Variants in SNRPN observed in about 807,000 individuals in gnomAD.
The protein encoded by SNRPN is small nuclear ribonucleoprotein polypeptide N.
In SNRPN, 7 loss-of-function variants were observed where a neutral mutation model predicts 25.2. That is an observed-to-expected ratio of 0.28 (90% CI 0.16 to 0.52). The LOEUF (loss-of-function observed/expected upper bound fraction) is 0.52, where lower values mean the gene tolerates loss of function less well. SNRPN is among the 20% of genes least tolerant of loss of function. SNRPN has a pLI of 0.96. For missense variants in SNRPN, 196 were observed against 322.5 expected, an observed-to-expected ratio of 0.61 and a Z score of 3.00; for synonymous variants, 124 against 110.6, an observed-to-expected ratio of 1.12 and a Z score of -0.76.
intron 3 of SNRPN, among the ~76,000 whole-genome samples, chr15:24,936,326 A>AT (rs1284974698): frequency 1.3e-5 from 2 of 152,040 alleles, no homozygotes; most frequent in African/African-American, 4.8e-5. Context: ...TCCCATGTTA[A>AT]TTTTCAGAAA....
chr15:24,907,731 C>CCTCCCAAAATGCTGG (rs2058921411), intron 2 of SNRPN, among the ~76,000 whole-genome samples: 1 of 151,918 alleles, frequency 6.6e-6, no homozygotes, highest in Non-Finnish European at 1.5e-5. Flanking sequence ...TAGGCATAAG[C>CCTCCCAAAATGCTGG]CACCACGCCT....
intron 2 of SNRPN, among the ~76,000 whole-genome samples, chr15:24,913,130 G>A (rs190134114): frequency 2.0e-5 from 3 of 152,122 alleles, no homozygotes; most frequent in East Asian, 3.9e-4. Flanking sequence ...AGTAGAGACA[G>A]GGTTTCACCA....
rs773029016 is a variant in SNRPN, at chr15:24,955,059, C to G, written c.-394C>G. The G allele has an allele frequency of 6.2e-6, 10 of 1,613,316 alleles. No individual in the cohort carries two copies. In the South Asian group the frequency reaches 1.1e-4, roughly 18 times the overall value. On this transcript the variant is annotated 5_prime_UTR_variant, in exon 1 of 10. Transcript: ENST00000390687. The stretch of plus-strand genomic sequence containing the variant: ...GCGGTCAGTGACGCGATGGAGCGGG[C>G]AAGGTCAGCTGTGCCGGTGGCTTCT...
At chr15:24,915,777 G>C (rs1196918703) in intron 2 of SNRPN, among the ~76,000 whole-genome samples, 1 of 152,024 alleles carries the variant, frequency 6.6e-6, no homozygotes, top group Non-Finnish European at 1.5e-5. Context: ...AAAAATCTAT[G>C]TAATTATAGA....
At chr15:24,873,716 G>C (rs965482912) in intron 1 of SNRPN, among the ~76,000 whole-genome samples, 29 of 151,890 alleles carry the variant, frequency 1.9e-4, no homozygotes, top group African/African-American at 7.0e-4. Context: ...CAAAGTGCTG[G>C]GATTACAGAC....
intron 1 of SNRPN, among the ~76,000 whole-genome samples, chr15:24,880,724 C>T (rs2056495509): frequency 6.6e-6 from 1 of 150,424 alleles, no homozygotes; most frequent in African/African-American, 2.5e-5. Flanking sequence ...TGACATTCAA[C>T]CCAAGTTCTT....
rs535591319 is a variant in SNRPN at position 24,901,306 on chromosome 15, C to G, written c.-505+14717C>G. The stretch of plus-strand genomic sequence containing the variant: ...CCAGTAATCAGAATGTTTTGGCAAA[C>G]AGAAGACTTTGGTGGTAGCTAACTG... On this transcript the variant is annotated intron_variant, in intron 2 of 11. Transcript: ENST00000400097. Among the ~76,000 whole-genome samples, 4 of 152,184 alleles carry G rather than the reference C, an allele frequency of 2.6e-5. No homozygotes were observed. In the South Asian group the frequency reaches 6.2e-4, roughly 24 times the overall value.
intron 2 of SNRPN, among the ~76,000 whole-genome samples, chr15:24,912,194 G>A (rs540536881): frequency 6.6e-6 from 1 of 152,258 alleles, no homozygotes; most frequent in South Asian, 2.1e-4. Flanking sequence ...TGTCACCCAG[G>A]CTGGTCTCAA....
intron 5 of SNRPN, 106 bp downstream of exon 5, chr15:24,975,615 C>T: frequency 1.1e-6 from 1 of 888,978 alleles, no homozygotes; most frequent in Non-Finnish European, 1.8e-6. Flanking sequence ...GTTAGGGAAA[C>T]TATGGTAGAG....
chr15:24,950,279 C>T (rs546204647), upstream of SNRPN, among the ~76,000 whole-genome samples: 64 of 151,828 alleles, frequency 4.2e-4, no homozygotes, highest in African/African-American at 1.5e-3. Context: ...TGGGTTCAAG[C>T]GATTCTCCCA....
chr15:24,971,432 C>T (rs1343920491), intron 3 of SNRPN, among the ~76,000 whole-genome samples: 1 of 152,108 alleles, frequency 6.6e-6, no homozygotes, highest in Non-Finnish European at 1.5e-5. Context: ...TTTCTAAATT[C>T]CAAATCTGTC....
intron 2 of SNRPN, among the ~76,000 whole-genome samples, chr15:24,889,559 C>T (rs1023867396): frequency 6.6e-6 from 1 of 151,344 alleles, no homozygotes; most frequent in Non-Finnish European, 1.5e-5. Flanking sequence ...CCCGCCTCGG[C>T]CTCCCAAAGT....
intron 2 of SNRPN, among the ~76,000 whole-genome samples, chr15:24,890,596 T>C (rs544251807): frequency 1.3e-5 from 2 of 152,164 alleles, no homozygotes; most frequent in Non-Finnish European, 2.9e-5. Flanking sequence ...GGAGAATCGC[T>C]TGAACCCAGG....
At chr15:24,906,047 A>T (rs116979587) in intron 2 of SNRPN, among the ~76,000 whole-genome samples, 7,422 of 152,344 alleles carry the variant, frequency 0.049, 232 homozygotes, top group South Asian at 0.075. Context: ...AAATGTAGTT[A>T]CTAAAAGTAT....
At chr15:24,923,876 C>G (rs1226825885) in intron 3 of SNRPN, among the ~76,000 whole-genome samples, 1 of 107,022 alleles carries the variant, frequency 9.3e-6, no homozygotes, top group Non-Finnish European at 1.8e-5. Context: ...TTTTTAGTGC[C>G]GTGTATGTGT....
At chr15:24,895,400 AACACACACACACACACACACACACAC>A (rs10558727) in intron 2 of SNRPN, among the ~76,000 whole-genome samples, 1 of 147,234 alleles carries the variant, frequency 6.8e-6, no homozygotes, top group South Asian at 2.2e-4. Context: ...AATACACCCA[AACACACACACACACACACACACACAC>A]ACACACACAC....
intron 2 of SNRPN, among the ~76,000 whole-genome samples, chr15:24,890,083 G>A (rs1316763381): frequency 2.0e-5 from 3 of 150,446 alleles, no homozygotes; most frequent in Non-Finnish European, 4.4e-5. Flanking sequence ...CCTCAATTGC[G>A]GTGCCCTGGC....
intron 1 of SNRPN, among the ~76,000 whole-genome samples, chr15:24,859,901 C>A (rs1201275053): frequency 6.6e-6 from 1 of 152,188 alleles, no homozygotes; most frequent in Non-Finnish European, 1.5e-5. Flanking sequence ...CTGAGGACGA[C>A]CAGAGGTCAC....
chr15:24,953,077 T>A (rs2062408793), upstream of SNRPN, among the ~76,000 whole-genome samples: 1 of 152,210 alleles, frequency 6.6e-6, no homozygotes, highest in African/African-American at 2.4e-5. Context: ...TTCTAAATAG[T>A]ATTTTAGCTC....
Sources: allele counts gnomAD v4.1 joint callset (sites outside exome capture counted in the v4.1 genomes callset), GRCh38; gene constraint gnomAD v4.1.1; transcripts MANE v1.5; gene names NCBI Gene and HGNC (gene_info 2026-07-23, HGNC 2026-07-21).